The following NPAS3 variants were observed in gnomAD, a reference collection of about 807,000 sequenced individuals.
NPAS3 encodes the protein neuronal PAS domain protein 3.
A neutral mutation model predicts 73.1 loss-of-function variants in NPAS3; 14 were observed. The observed-to-expected ratio is 0.19, with a 90% CI of 0.13 to 0.30. NPAS3 has a LOEUF of 0.30. NPAS3 is among the 10% of genes least tolerant of loss of function. The pLI is 1.00. For missense variants in NPAS3, 1,096 were observed against 1,250.0 expected (o/e 0.88, Z 1.86); for synonymous variants, 620 against 541.5 (o/e 1.14, Z -2.01).
chr14:33,664,305 C>T (rs1035781496), intron 5 of NPAS3, among the ~76,000 whole-genome samples: 4 of 152,036 alleles, frequency 2.6e-5, no homozygotes, highest in East Asian at 1.9e-4. Flanking sequence ...TTGAGAAAAC[C>T]GGCTAGCCAT....
chr14:33,263,049 T>C (rs576058551), intron 3 of NPAS3, among the ~76,000 whole-genome samples: 6 of 152,266 alleles, frequency 3.9e-5, no homozygotes, highest in African/African-American at 7.2e-5. Flanking sequence ...ATTTCAAAAA[T>C]TTTCTCCCAT....
chr14:33,229,429 C>T (rs932355666), intron 3 of NPAS3, among the ~76,000 whole-genome samples: 1 of 152,142 alleles, frequency 6.6e-6, no homozygotes, highest in African/African-American at 2.4e-5. Context: ...GCCGGGAAGT[C>T]GAGTGGCCAC....
In NPAS3 at chr14:33,203,741, G is replaced by A. The variant is rs560347975; in HGVS notation, c.141-11441G>A. Among the ~76,000 whole-genome samples, 43 of 152,276 alleles carry A rather than the reference G, an allele frequency of 2.8e-4. No individual in the cohort carries two copies. The South Asian group carries it at 6.6e-3, about 23-fold the overall frequency. On this transcript the variant is annotated intron_variant, in intron 2 of 11. Coordinates refer to ENST00000356141, the Ensembl canonical transcript of NPAS3. ...CTGTCATTGTTGGACATTTGGGTTG[G>A]TTCCAAGTCTTTCCTATTGTGAATA...
intron 4 of NPAS3, among the ~76,000 whole-genome samples, chr14:33,382,514 A>C (rs1480143819): frequency 6.6e-6 from 1 of 152,140 alleles, no homozygotes; most frequent in Non-Finnish European, 1.5e-5. Context: ...GCCTCCTCTG[A>C]AATGCAGACC....
intron 2 of NPAS3, among the ~76,000 whole-genome samples, chr14:33,140,593 C>T (rs774966923): frequency 2.0e-5 from 3 of 152,064 alleles, no homozygotes; most frequent in South Asian, 2.1e-4. Context: ...CATGCTTCAC[C>T]GTGTCATTTC....
chr14:33,426,512 G>A (rs1185684302), intron 4 of NPAS3, among the ~76,000 whole-genome samples: 6 of 152,056 alleles, frequency 3.9e-5, no homozygotes, highest in Non-Finnish European at 5.9e-5. Context: ...AGAGGACACA[G>A]GCTTGTAGCT....
At position 33,578,960 on chromosome 14, in the gene NPAS3, A is replaced by G. The variant is rs565825876; in HGVS notation, c.558+18750A>G. 1.1e-4 allele frequency among the ~76,000 whole-genome samples: 17 copies of G among 152,386 alleles called. No homozygotes were observed. In the South Asian group the frequency reaches 3.5e-3, roughly 32 times the overall value. ...AGAAATGAACTTACATTTATTGAGA[A>G]TAGACTAATGTGCCAAGCTCAATGT... On this transcript the variant is annotated intron_variant, in intron 5 of 11. Transcript: ENST00000356141.
At chr14:33,597,806 C>T (rs1000403026) in intron 5 of NPAS3, among the ~76,000 whole-genome samples, 2 of 152,190 alleles carry the variant, frequency 1.3e-5, no homozygotes, top group South Asian at 4.1e-4. Context: ...AGGGTAAATT[C>T]ATTACTGCCT....
At chr14:33,349,754 T>G (rs2044937713) in intron 3 of NPAS3, among the ~76,000 whole-genome samples, 1 of 152,232 alleles carries the variant, frequency 6.6e-6, no homozygotes. Flanking sequence ...ATTGAATTTG[T>G]CCTTTTCCCG....
chr14:33,123,530 T>C (rs2043310941), intron 2 of NPAS3, among the ~76,000 whole-genome samples: 1 of 151,846 alleles, frequency 6.6e-6, no homozygotes, highest in Admixed American at 6.6e-5. Context: ...GAGCAACAAC[T>C]CAAAACCAAA....
chr14:33,127,860 T>G (rs1164452798), intron 2 of NPAS3, among the ~76,000 whole-genome samples: 4 of 152,062 alleles, frequency 2.6e-5, no homozygotes, highest in Admixed American at 6.6e-5. Context: ...TCATGATAGA[T>G]CCACTTGATA....
intron 1 of NPAS3, among the ~76,000 whole-genome samples, chr14:33,011,368 A>G (rs998689404): frequency 2.0e-5 from 3 of 152,186 alleles, no homozygotes; most frequent in Non-Finnish European, 4.4e-5. Flanking sequence ...ACATCATCCC[A>G]TCACAGGGCA....
chr14:33,087,189 A>T (rs2383441), intron 2 of NPAS3, among the ~76,000 whole-genome samples: 4,353 of 121,378 alleles, frequency 0.036, 180 homozygotes, highest in East Asian at 0.18. Flanking sequence ...ATACAATATA[A>T]TATTGTATAA....
At chr14:33,627,134 T>C (rs2058244739) in intron 5 of NPAS3, among the ~76,000 whole-genome samples, 1 of 152,162 alleles carries the variant, frequency 6.6e-6, no homozygotes, top group African/African-American at 2.4e-5. Context: ...TTCTGTCAAG[T>C]AGCAGTTTTA....
chr14:33,728,803 G>T (rs573582353), intron 6 of NPAS3, among the ~76,000 whole-genome samples: 4 of 152,158 alleles, frequency 2.6e-5, no homozygotes, highest in Non-Finnish European at 5.9e-5. Flanking sequence ...AAACCCACTG[G>T]CCTAGAACTC....
intron 4 of NPAS3, among the ~76,000 whole-genome samples, chr14:33,421,991 G>C (rs546597536): frequency 6.6e-6 from 1 of 151,888 alleles, no homozygotes; most frequent in African/African-American, 2.4e-5. Context: ...TTTGTAGTTG[G>C]CTTTTCATTC....
chr14:33,616,003 C>T (rs752068978), intron 5 of NPAS3, among the ~76,000 whole-genome samples: 21 of 152,320 alleles, frequency 1.4e-4, no homozygotes, highest in South Asian at 6.2e-4. Flanking sequence ...TTGCCCTTTA[C>T]AAGGCAGCCA....
intron 3 of NPAS3, among the ~76,000 whole-genome samples, chr14:33,358,538 T>C (rs1278360868): frequency 6.6e-6 from 1 of 152,148 alleles, no homozygotes; most frequent in Non-Finnish European, 1.5e-5. Flanking sequence ...GTAACTTCAC[T>C]CCATACTCCG....
intron 5 of NPAS3, among the ~76,000 whole-genome samples, chr14:33,604,235 TA>T (rs1332813640): frequency 1.3e-5 from 2 of 152,020 alleles, no homozygotes; most frequent in Admixed American, 6.5e-5. Context: ...TCAGATTATA[TA>T]AGCAAGCAAG....
Sources: gnomAD v4.1 joint callset for allele counts (sites outside exome capture counted in the v4.1 genomes callset) on GRCh38, gnomAD v4.1.1 for gene constraint, MANE v1.5 for transcripts, NCBI Gene and HGNC (gene_info 2026-07-23, HGNC 2026-07-21) for gene names.